Variants in ITPK1 observed in about 807,000 individuals in gnomAD.
ITPK1 encodes the protein inositol-tetrakisphosphate 1-kinase.
ITPK1 carries 21 observed loss-of-function variants against 45.3 expected under a neutral mutation model. That is an observed-to-expected ratio of 0.46 (90% CI 0.33 to 0.67). The LOEUF (loss-of-function observed/expected upper bound fraction) is 0.67. Among genes scored for constraint, ITPK1 ranks in the 30% least tolerant of loss-of-function variants. The pLI is 0.02. For missense variants in ITPK1, 474 were observed against 573.5 expected, an observed-to-expected ratio of 0.83 and a Z score of 1.77; for synonymous variants, 258 against 253.6, an observed-to-expected ratio of 1.02 and a Z score of -0.16.
chr14:92,980,654 G>T (rs892295913), intron 5 of ITPK1, among the ~76,000 whole-genome samples: 2 of 152,086 alleles, frequency 1.3e-5, no homozygotes, highest in Non-Finnish European at 2.9e-5. Context: ...GCCTACAAAG[G>T]GTCCCTCTCT....
At chr14:93,056,696 C>A (rs140082171) in intron 3 of ITPK1, among the ~76,000 whole-genome samples, 1 of 152,250 alleles carries the variant, frequency 6.6e-6, no homozygotes, top group East Asian at 1.9e-4. Context: ...AGAGCAGTGC[C>A]CCTCCTCCAG....
intron 5 of ITPK1, among the ~76,000 whole-genome samples, chr14:92,973,857 G>A (rs570065920): frequency 1.3e-5 from 2 of 152,332 alleles, no homozygotes; most frequent in African/African-American, 4.8e-5. Context: ...CTTAGAGCCA[G>A]AAGAGAGGGG....
intron 2 of ITPK1, among the ~76,000 whole-genome samples, chr14:93,088,341 GTTTTTTT>G (rs1179019290): frequency 7.5e-6 from 1 of 132,722 alleles, no homozygotes; most frequent in African/African-American, 2.8e-5. Context: ...GTTTTGTTTT[GTTTTTTT>G]TTTTTTTTTG....
At chr14:93,093,619 C>T (rs558679353) in intron 2 of ITPK1, among the ~76,000 whole-genome samples, 18 of 152,320 alleles carry the variant, frequency 1.2e-4, no homozygotes, top group Non-Finnish European at 2.1e-4. Context: ...ATTCTGAGTC[C>T]GTGGATACAG....
chr14:92,981,725 C>T (rs1886238455), intron 5 of ITPK1, among the ~76,000 whole-genome samples: 1 of 152,262 alleles, frequency 6.6e-6, no homozygotes, highest in South Asian at 2.1e-4. Context: ...TCAAGGCTGT[C>T]ACGGTCAGGT....
In ITPK1 at chr14:93,073,787, G is replaced by A. The variant is rs568774839; in HGVS notation, c.120+2808C>T. On this transcript the variant is annotated intron_variant, in intron 3 of 10. Coordinates refer to ENST00000267615, the MANE Select transcript of ITPK1 (RefSeq NM_014216.6). Reference sequence around the variant, plus strand: ...TCAAATCCCAACTCCACCACGGCCAGCTGAAATCCCCAAGAGAAAGCACAG... The same window carrying A: ...TCAAATCCCAACTCCACCACGGCCAACTGAAATCCCCAAGAGAAAGCACAG... 2.0e-5 allele frequency among the ~76,000 whole-genome samples: 3 copies of A among 152,324 alleles called. No individual in the cohort carries two copies. The South Asian group carries it at 6.2e-4, about 32-fold the overall frequency.
intron 3 of ITPK1, among the ~76,000 whole-genome samples, chr14:93,064,112 T>C (rs1890646593): frequency 6.6e-6 from 1 of 151,940 alleles, no homozygotes; most frequent in Admixed American, 6.6e-5. Flanking sequence ...TGAAACCCTG[T>C]CTCTACCAAA....
At chr14:93,115,425 G>C (rs573104518) in intron 1 of ITPK1, 120 bp from the exon 2 acceptor site, 1 of 149,002 alleles carries the variant, frequency 6.7e-6, no homozygotes, top group Admixed American at 6.7e-5. Context: ...CGCCGCCTGC[G>C]GGCTCGCCCG....
chr14:93,107,061 A>C (rs1167817710), intron 2 of ITPK1, among the ~76,000 whole-genome samples: 1 of 151,982 alleles, frequency 6.6e-6, no homozygotes, highest in Non-Finnish European at 1.5e-5. Flanking sequence ...GAGCTCAAGC[A>C]ATTCTCCTGC....
intron 9 of ITPK1, among the ~76,000 whole-genome samples, chr14:92,948,267 G>T (rs1050931473): frequency 1.4e-4 from 22 of 152,220 alleles, no homozygotes; most frequent in South Asian, 8.3e-4. Context: ...ACCAGATAGA[G>T]GTGGTGATTG....
chr14:93,110,547 G>A (rs909744509), intron 2 of ITPK1, among the ~76,000 whole-genome samples: 20 of 152,306 alleles, frequency 1.3e-4, no homozygotes, highest in African/African-American at 4.8e-4. Flanking sequence ...AGGCCCGGTG[G>A]CATGCTACAC....
Position 93,076,995 on chromosome 14 carries a change from C to T in ITPK1, c.96-376G>A, listed in dbSNP as rs1239621282. 1.3e-5 allele frequency among the ~76,000 whole-genome samples: 2 copies of T among 152,188 alleles called. No homozygotes were observed. Among genetic ancestry groups the T allele is most frequent in the African/African-American group, 4.8e-5 (2 of 41,446 alleles). The stretch of plus-strand genomic sequence containing the variant: ...TGCCGTCCCTGCCGAGCTCAACCCC[C>T]ATAGGTCCCCATGTCCTCCCCATCA... On this transcript the variant is annotated intron_variant, in intron 2 of 10. Transcript: ENST00000267615. The surrounding 1 kb of genome is among the most constrained non-coding windows in gnomAD (Gnocchi z 4.3).
In ITPK1 at chr14:93,012,501, T is replaced by C. The variant is rs1887967213; in HGVS notation, c.246+4175A>G. Reference sequence around the variant, plus strand: ...GCCCCATGGGTCAAGCTGGCAATCATGGCCTTCAGTGTCACAGCAATAAGA... The same window carrying C: ...GCCCCATGGGTCAAGCTGGCAATCACGGCCTTCAGTGTCACAGCAATAAGA... On this transcript the variant is annotated intron_variant, in intron 4 of 10. Transcript: ENST00000267615. The surrounding 1 kb of genome is among the most constrained non-coding windows in gnomAD (Gnocchi z 4.9). 1.3e-5 allele frequency among the ~76,000 whole-genome samples: 2 copies of C among 152,128 alleles called. No individual in the cohort carries two copies. Among genetic ancestry groups the C allele is most frequent in the African/African-American group, 4.8e-5 (2 of 41,428 alleles).
intron 9 of ITPK1, among the ~76,000 whole-genome samples, chr14:92,949,963 T>C (rs1370675115): frequency 6.6e-6 from 1 of 152,142 alleles, no homozygotes; most frequent in Non-Finnish European, 1.5e-5. Flanking sequence ...GTGCCCATAC[T>C]GCACACCTGG....
In ITPK1 at chr14:92,958,069, C is replaced by A; in HGVS notation, c.670+132G>T. On this transcript the variant is annotated intron_variant, in intron 8 of 10. Transcript: ENST00000267615. This position sits in a 1 kb window ranked among gnomAD's most constrained non-coding sequence, Gnocchi z 4.4. ...ATCCACCGTACACAACTGTTTCCAC[C>A]TTTAGAGCACCTCTCCATCCCACCA... The A allele has an allele frequency of 1.2e-6, 1 of 832,774 alleles. No individual in the cohort carries two copies. Among genetic ancestry groups the A allele is most frequent in the Non-Finnish European group, 2.0e-6 (1 of 507,022 alleles). 51.6% of individuals were successfully genotyped at this position (832,774 alleles called of 1,614,324 possible).
chr14:93,005,526 G>C (rs958615841), intron 4 of ITPK1, among the ~76,000 whole-genome samples: 1 of 152,162 alleles, frequency 6.6e-6, no homozygotes, highest in African/African-American at 2.4e-5. Flanking sequence ...ACAGGCAAGA[G>C]GAGGAGACTG....
At chr14:93,008,646 C>T (rs1001890560) in intron 4 of ITPK1, among the ~76,000 whole-genome samples, 1 of 152,198 alleles carries the variant, frequency 6.6e-6, no homozygotes, top group Non-Finnish European at 1.5e-5. Flanking sequence ...TTTACCCGGC[C>T]GGCTGTGCTC....
chr14:93,103,872 C>T (rs1319011539), intron 2 of ITPK1, among the ~76,000 whole-genome samples: 1 of 152,178 alleles, frequency 6.6e-6, no homozygotes, highest in Non-Finnish European at 1.5e-5. Flanking sequence ...TCTCTCTGCA[C>T]CCATCTACCA....
chr14:92,996,372 G>C (rs970423044), intron 4 of ITPK1, among the ~76,000 whole-genome samples: 2 of 149,884 alleles, frequency 1.3e-5, no homozygotes. Flanking sequence ...TCATAGGTGG[G>C]AATTGAACAA....
Sources: gnomAD v4.1 joint callset for allele counts (sites outside exome capture counted in the v4.1 genomes callset) on GRCh38, gnomAD v4.1.1 for gene constraint, Gnocchi (gnomAD v3.1) non-coding constraint, MANE v1.5 for transcripts, NCBI Gene and HGNC (gene_info 2026-07-23, HGNC 2026-07-21) for gene names.